DTNA: variants seen among roughly 807,000 people sequenced by gnomAD.
The protein encoded by DTNA is dystrophin-related protein 3.
DTNA carries 43 observed loss-of-function variants against 100.7 expected under a neutral mutation model. That is an observed-to-expected ratio of 0.43 (90% CI 0.33 to 0.55). DTNA has a LOEUF of 0.55. Among genes scored for constraint, DTNA ranks in the 20% least tolerant of loss-of-function variants. The pLI is 0.04. For synonymous variants in DTNA, 349 were observed against 347.9 expected, an observed-to-expected ratio of 1.00 and a Z score of -0.04; for missense variants, 798 against 953.9, an observed-to-expected ratio of 0.84 and a Z score of 2.15.
At chr18:34,500,652 G>A (rs1357108455) in intron 1 of DTNA, among the ~76,000 whole-genome samples, 2 of 151,564 alleles carry the variant, frequency 1.3e-5, no homozygotes, top group African/African-American at 4.9e-5. Context: ...TTGGTAGAGA[G>A]GGGGTTTCAA....
chr18:34,634,706 TTTAA>T (rs993466604), intron 1 of DTNA, among the ~76,000 whole-genome samples: 3 of 152,122 alleles, frequency 2.0e-5, no homozygotes, highest in Non-Finnish European at 2.9e-5. Flanking sequence ...TTAAAAAAAA[TTTAA>T]TTAACAAATA....
intron 1 of DTNA, among the ~76,000 whole-genome samples, chr18:34,520,905 C>G (rs1342148022): frequency 6.6e-6 from 1 of 152,036 alleles, no homozygotes; most frequent in Non-Finnish European, 1.5e-5. Context: ...TCCCCCGGCT[C>G]CCATATATCA....
chr18:34,649,925 T>C (rs1221596259), intron 1 of DTNA, among the ~76,000 whole-genome samples: 2 of 152,194 alleles, frequency 1.3e-5, no homozygotes, highest in African/African-American at 4.8e-5. Flanking sequence ...CTTCAGTTTG[T>C]ATGTGGTTGT....
chr18:34,516,600 C>T (rs544379971), intron 1 of DTNA, among the ~76,000 whole-genome samples: 1 of 152,196 alleles, frequency 6.6e-6, no homozygotes, highest in Non-Finnish European at 1.5e-5. Flanking sequence ...TTTCAGAGAC[C>T]TCCCCCTAGG....
At chr18:34,572,038 TTCAG>T (rs1478247610) in intron 1 of DTNA, among the ~76,000 whole-genome samples, 6 of 152,158 alleles carry the variant, frequency 3.9e-5, no homozygotes, top group Admixed American at 2.0e-4. Flanking sequence ...CATATCAAAA[TTCAG>T]TCAGTTATCT....
At chr18:34,664,971 ATCT>A (rs897941629) in intron 1 of DTNA, among the ~76,000 whole-genome samples, 1 of 150,984 alleles carries the variant, frequency 6.6e-6, no homozygotes, top group Non-Finnish European at 1.5e-5. Flanking sequence ...TCTATCTTCT[ATCT>A]TCTTCTTCTT....
chr18:34,665,901 A>G, intron 1 of DTNA, among the ~76,000 whole-genome samples: 1 of 152,176 alleles, frequency 6.6e-6, no homozygotes, highest in East Asian at 1.9e-4. Context: ...ATGTGTCTTT[A>G]TAGCAGCATG....
intron 3 of DTNA, among the ~76,000 whole-genome samples, chr18:34,789,305 G>A (rs906360841): frequency 3.4e-4 from 52 of 152,092 alleles, no homozygotes; most frequent in African/African-American, 4.1e-4. Context: ...GTCCGTCTCC[G>A]CTCCTTTCTT....
chr18:34,742,446 A>G (rs893188521), intron 1 of DTNA, among the ~76,000 whole-genome samples: 3 of 152,090 alleles, frequency 2.0e-5, no homozygotes, highest in East Asian at 1.9e-4. Context: ...TCCTGCCTCC[A>G]TCTTCGAATC....
chr18:34,650,156 A>G (rs2143808837), intron 1 of DTNA, among the ~76,000 whole-genome samples: 1 of 152,334 alleles, frequency 6.6e-6, no homozygotes, highest in South Asian at 2.1e-4. Flanking sequence ...TCAGCCAAGC[A>G]GATCTCTGAT....
intron 1 of DTNA, among the ~76,000 whole-genome samples, chr18:34,543,932 G>A (rs138730959): frequency 1.3e-5 from 2 of 152,126 alleles, no homozygotes; most frequent in East Asian, 3.9e-4. Flanking sequence ...GTGAAGGAAG[G>A]GGGCTGTTTT....
chr18:34,503,645 C>T (rs562725864), intron 1 of DTNA, among the ~76,000 whole-genome samples: 1 of 152,138 alleles, frequency 6.6e-6, no homozygotes, highest in African/African-American at 2.4e-5. Context: ...TATATTTAAA[C>T]CATTTACATT....
At chr18:34,719,326 AG>A (rs2084760527) in intron 1 of DTNA, among the ~76,000 whole-genome samples, 1 of 151,730 alleles carries the variant, frequency 6.6e-6, no homozygotes, top group Non-Finnish European at 1.5e-5. Context: ...CCTGGGTGAC[AG>A]AGTGAGACTT....
chr18:34,789,111 A>G (rs750102219), intron 3 of DTNA, among the ~76,000 whole-genome samples: 1 of 152,212 alleles, frequency 6.6e-6, no homozygotes, highest in African/African-American at 2.4e-5. Context: ...AGAGCCAGGA[A>G]TGAAACCTTA....
intron 1 of DTNA, among the ~76,000 whole-genome samples, chr18:34,561,961 G>A (rs1030009158): frequency 2.0e-5 from 3 of 152,118 alleles, no homozygotes; most frequent in Admixed American, 6.5e-5. Flanking sequence ...TTTTAATCCA[G>A]TTAAGTGATT....
chr18:34,753,285 G>A (rs1194825734), intron 1 of DTNA, among the ~76,000 whole-genome samples: 2 of 151,998 alleles, frequency 1.3e-5, no homozygotes, highest in Non-Finnish European at 2.9e-5. Flanking sequence ...CAGATGCCAG[G>A]CTTTACCTCT....
intron 13 of DTNA, among the ~76,000 whole-genome samples, chr18:34,841,316 C>T (rs1480078406): frequency 6.6e-6 from 1 of 152,162 alleles, no homozygotes; most frequent in Non-Finnish European, 1.5e-5. Flanking sequence ...ACACTGCATC[C>T]TCCACGTATT....
At chr18:34,755,932 A>G (rs549430882) in intron 1 of DTNA, 44 bp from the exon 2 acceptor site, 2 of 1,570,698 alleles carry the variant, frequency 1.3e-6, no homozygotes, top group Admixed American at 3.3e-5. Context: ...TTCTTGCCTC[A>G]ATAGCGTGAG....
At chr18:34,795,756 T>C (rs191710504) in intron 4 of DTNA, among the ~76,000 whole-genome samples, 1 of 152,262 alleles carries the variant, frequency 6.6e-6, no homozygotes, top group African/African-American at 2.4e-5. Context: ...AGCCAAATAA[T>C]CATTTGCACC....
Sources: allele counts gnomAD v4.1 joint callset (sites outside exome capture counted in the v4.1 genomes callset), GRCh38; gene constraint gnomAD v4.1.1; transcripts MANE v1.5; gene names NCBI Gene and HGNC (gene_info 2026-07-23, HGNC 2026-07-21).